CELSR3: variants seen among roughly 807,000 people sequenced by gnomAD.
CELSR3 encodes the protein cadherin EGF LAG seven-pass G-type receptor 3.
A neutral mutation model predicts 270.0 loss-of-function variants in CELSR3; 73 were observed. The observed-to-expected ratio is 0.27, with a 90% CI of 0.22 to 0.33. The LOEUF (loss-of-function observed/expected upper bound fraction) is 0.33, where lower values mean the gene tolerates loss of function less well. Ranked by LOEUF, CELSR3 falls within the 10% of genes least tolerant of loss-of-function variation. The pLI is 1.00. For synonymous variants in CELSR3, 1,780 were observed against 1,905.4 expected (o/e 0.93, Z 1.71); for missense variants, 3,614 against 4,533.8 (o/e 0.80, Z 5.83).
rs2047069149 is a variant in CELSR3 at position 48,645,206 on chromosome 3, C to G, written c.7801G>C (p.Val2601Leu). 6.4e-7 allele frequency: 1 copy of G among 1,572,078 alleles called. No homozygotes were observed. The highest frequency in any genetic ancestry group is 8.7e-7 in the Non-Finnish European group (1 of 1,152,462). The change falls in exon 25 of 35, where the codon GTG becomes CTG. Residue 2601 changes from valine (V) to leucine (L), a missense_variant. By Grantham distance (32) the Val-to-Leu change is conservative (BLOSUM62 1). Coordinates refer to ENST00000164024, the MANE Select transcript of CELSR3 (RefSeq NM_001407.3). The surrounding 1 kb of genome is among the most constrained non-coding windows in gnomAD (Gnocchi z 5.4). Reference protein sequence around the residue: ...LGIHRTHNQLVCTAVAILLHY... With the variant: ...LGIHRTHNQLLCTAVAILLHY... ...AGGAGGATGGCGACTGCAGTGCACACCAGCTGAGGGCAGGGGGGCGTGTCA... is the reference window on the plus strand; with the variant it reads ...AGGAGGATGGCGACTGCAGTGCACAGCAGCTGAGGGCAGGGGGGCGTGTCA...
In CELSR3 at chr3:48,659,158, C is replaced by T. The variant is rs966890066; in HGVS notation, c.3477G>A (p.Leu1159=). ...CAGGGCTGTTGTCATTCTGGTCAAC[C>T]AGGCGGACGTGCACAGTGGCCCGGC... ...LVSRATVHVR[L]VDQNDNSPVL... is the part of the protein sequence containing the mutation. The change falls in exon 1 of 35, where the codon CTG becomes CTA. Residue 1159 remains leucine (L), a synonymous_variant. Coordinates refer to ENST00000164024, the MANE Select transcript of CELSR3 (RefSeq NM_001407.3). This position sits in a 1 kb window ranked among gnomAD's most constrained non-coding sequence, Gnocchi z 8.1. The T allele has an allele frequency of 6.2e-7, 1 of 1,614,196 alleles. No individual in the cohort carries two copies. Among genetic ancestry groups the T allele is most frequent in the Non-Finnish European group, 8.5e-7 (1 of 1,180,028 alleles).
Position 48,651,457 on chromosome 3 carries a change from C to T in CELSR3, c.6088G>A (p.Gly2030Ser). 1.9e-6 allele frequency: 3 copies of T among 1,613,908 alleles called. No individual in the cohort carries two copies. The highest frequency in any genetic ancestry group is 1.7e-6 in the Non-Finnish European group (2 of 1,179,950). The change falls in exon 14 of 35, where the codon GGC (glycine) becomes AGC (serine). Residue 2030 changes from glycine to serine, a missense_variant. Transcript: ENST00000164024. This position sits in a 1 kb window ranked among gnomAD's most constrained non-coding sequence, Gnocchi z 7.4. The stretch of plus-strand genomic sequence containing the variant: ...CCACAGGTTGGGCTCCCCCACCAGC[C>T]CCGTGGGCACTGCTGGTCCATCCTG... ...EHRMDQQCPRGWWGSPTCGPC... is the reference protein window; with the variant it reads ...EHRMDQQCPRSWWGSPTCGPC...
In CELSR3 at chr3:48,661,903, C is replaced by T. The variant is rs2077069511; in HGVS notation, c.732G>A (p.Glu244=). The change falls in exon 1 of 35, where the codon GAG becomes GAA. Residue 244 remains glutamate (E), a synonymous_variant. Transcript: ENST00000164024. ...TCGCCGTGCGTGGTGCTGAATCCAG[C>T]TCGGGGCCAGATCCCGAGGCCCCTG... is the stretch of plus-strand genomic sequence containing the variant. The part of the protein sequence containing the change: ...CLPGASGSGP[E]LDSAPRTART... The T allele has an allele frequency of 6.2e-7, 1 of 1,612,170 alleles. No homozygotes were observed. The highest frequency in any genetic ancestry group is 1.1e-5 in the South Asian group (1 of 91,050).
At position 48,661,798 on chromosome 3, in the gene CELSR3, C is replaced by G. The variant is rs758300838; in HGVS notation, c.837G>C (p.Arg279=). The G allele has an allele frequency of 3.7e-6, 6 of 1,608,374 alleles. 1 individual carries two copies. Among genetic ancestry groups the G allele is most frequent in the Middle Eastern group, 3.4e-4 (2 of 5,916 alleles). The change falls in exon 1 of 35, where the codon CGG becomes CGC. Residue 279 remains arginine (R), a synonymous_variant. Transcript: ENST00000164024. The stretch of plus-strand genomic sequence containing the variant: ...GGAGGAAGCGGCAGCGGAAGAGACC[C>G]CGGGAGCGCATGCGCTTGGGCGCCG... ...PEPAPKRMRS[R]GLFRCRFLPQ...
At position 48,640,648 on chromosome 3, in the gene CELSR3, G is replaced by A; in HGVS notation, c.9026-89C>T. The A allele has an allele frequency of 7.3e-7, 1 of 1,377,236 alleles. No homozygotes were observed. The highest frequency in any genetic ancestry group is 9.7e-7 in the Non-Finnish European group (1 of 1,034,804). 85.3% of individuals were successfully genotyped at this position (1,377,236 alleles called of 1,614,324 possible). A position where few individuals can be genotyped will look rare whatever the true frequency, so the allele number is the denominator to read the frequency against. On this transcript the variant is annotated intron_variant, in intron 33 of 34. Transcript: ENST00000164024. The surrounding 1 kb of genome is among the most constrained non-coding windows in gnomAD (Gnocchi z 7.5). The stretch of plus-strand genomic sequence containing the variant: ...TGAGTCTAGGGGTGTGGCAGCCCTT[G>A]GGATCCTTCCAACACAGGGATGGGA...
rs2047005449 is a variant in CELSR3, at chr3:48,639,791, C to A, written c.9794G>T (p.Ser3265Ile). The A allele has an allele frequency of 6.2e-7, 1 of 1,613,686 alleles. No homozygotes were observed. The highest frequency in any genetic ancestry group is 8.5e-7 in the Non-Finnish European group (1 of 1,179,968). The change falls in exon 34 of 35, where the codon AGC (serine) becomes ATC (isoleucine). Residue 3265 changes from serine to isoleucine, a missense_variant. Ser to Ile is a moderately radical substitution (Grantham distance 142). Around this residue, in one of 7 missense-constraint regions of CELSR3, gnomAD observed 1,240 missense variants for 1,351.7 expected, o/e 0.92. Coordinates refer to ENST00000164024, the MANE Select transcript of CELSR3 (RefSeq NM_001407.3). This position sits in a 1 kb window ranked among gnomAD's most constrained non-coding sequence, Gnocchi z 4.1. ...AGTGGTGTGAGGGCCCAAGGGTGTGCTTGAAGATTGCACAGAGGAGAGGGC... is the reference window on the plus strand; with the variant it reads ...AGTGGTGTGAGGGCCCAAGGGTGTGATTGAAGATTGCACAGAGGAGAGGGC... ...SSALSSVQSS[S>I]TPLGPHTTAT... is the part of the protein sequence containing the mutation.
rs529940314 is a variant in CELSR3 at position 48,660,460 on chromosome 3, A to G, written c.2175T>C (p.Gly725=). The change falls in exon 1 of 35, where the codon GGT becomes GGC. Residue 725 remains glycine (G), a synonymous_variant. Coordinates refer to ENST00000164024, the MANE Select transcript of CELSR3 (RefSeq NM_001407.3). This position sits in a 1 kb window ranked among gnomAD's most constrained non-coding sequence, Gnocchi z 5.5. ...DRESVEHYFF[G]VEARDHGSPP... is the part of the protein sequence containing the mutation. ...GTGAGCCATGGTCTCGAGCCTCCACACCAAAGAAGTAATGCTCCACAGACT... is the reference window on the plus strand; with the variant it reads ...GTGAGCCATGGTCTCGAGCCTCCACGCCAAAGAAGTAATGCTCCACAGACT... The G allele has an allele frequency of 9.3e-6, 15 of 1,614,106 alleles. No homozygotes were observed. The African/African-American group carries it at 1.9e-4, about 20-fold the overall frequency.
intron 19 of CELSR3, 28 bp downstream of exon 19, chr3:48,648,238 G>GCCCCCCCCCAACCCCCCCCCAAAC: frequency 7.4e-7 from 1 of 1,342,630 alleles, no homozygotes; most frequent in Non-Finnish European, 1.1e-6. Flanking sequence ...CCCCTGCTGT[G>GCCCCCCCCCAACCCCCCCCCAAAC]CCCCGCCCTA....
rs769188602 is a variant in CELSR3 at position 48,649,173 on chromosome 3, T to G, written c.6515A>C (p.Glu2172Ala). 1.2e-6 allele frequency: 2 copies of G among 1,612,224 alleles called. No individual in the cohort carries two copies. Among genetic ancestry groups the G allele is most frequent in the South Asian group, 2.2e-5 (2 of 90,766 alleles). Residue 2172 changes from glutamate to alanine, a missense_variant, in exon 17 of 35, where the codon GAG (glutamate) becomes GCG (alanine). By Grantham distance (107) the Glu-to-Ala change is moderately radical. This residue lies in a region of CELSR3 where 1,331 missense variants were observed against 1,933.7 expected (regional missense o/e 0.69). Coordinates refer to ENST00000164024, the MANE Select transcript of CELSR3 (RefSeq NM_001407.3). ...RLCDEAQGWL[E>A]PDLFNCTSPA... ...GGAGGTACAGTTGAAGAGGTCGGGC[T>G]CCAGCCAACCCTGGGCCTCATCACA...
rs769634502 is a variant in CELSR3, at chr3:48,645,811, C to T, written c.7521G>A (p.Gly2507=). 3 of 1,611,648 alleles carry T rather than the reference C, an allele frequency of 1.9e-6. No homozygotes were observed. Among genetic ancestry groups the T allele is most frequent in the Non-Finnish European group, 2.5e-6 (3 of 1,179,466 alleles). Reference sequence around the variant, plus strand: ...GGCTGCAGCGACACCGTGCGTGGGACCCATTCCTGTGCACCAGCTCGCAGT... The same window carrying T: ...GGCTGCAGCGACACCGTGCGTGGGATCCATTCCTGTGCACCAGCTCGCAGT... ...ARDCELVHRN[G]SHARCRCSRT... The change falls in exon 23 of 35, where the codon GGG becomes GGA. Residue 2507 remains glycine, a synonymous_variant. Coordinates refer to ENST00000164024, the MANE Select transcript of CELSR3 (RefSeq NM_001407.3). This position sits in a 1 kb window ranked among gnomAD's most constrained non-coding sequence, Gnocchi z 5.4.
chr3:48,661,953 T>G lies in CELSR3; in HGVS notation c.682A>C (p.Thr228Pro). 6.2e-7 allele frequency: 1 copy of G among 1,613,750 alleles called. No individual in the cohort carries two copies. Among genetic ancestry groups the G allele is most frequent in the Non-Finnish European group, 8.5e-7 (1 of 1,180,012 alleles). ...GGAAGACAGTTCCGCCGGGGGGCTG[T>G]CCTTTCTGCTCCGGATGTCGTGGCT... ...ERATTSGAER[T>P]APRRNCLPGA... The change falls in exon 1 of 35, where the codon ACA (threonine) becomes CCA (proline). Residue 228 changes from threonine (T) to proline (P), a missense_variant. Physicochemically the swap from Thr to Pro is conservative, Grantham distance 38 (BLOSUM62 -1). Transcript: ENST00000164024.
In CELSR3 at chr3:48,646,536, A is replaced by G. The variant is rs552908179; in HGVS notation, c.7295+227T>C. Among the ~76,000 whole-genome samples, 1 of 152,186 alleles carries G rather than the reference A, an allele frequency of 6.6e-6. No homozygotes were observed. The highest frequency in any genetic ancestry group is 2.4e-5 in the African/African-American group (1 of 41,504). ...TCTGTCAGCCCTTTGGTCTGTCTGT[A>G]CCTGGCTCATGGATCCCTCCTGTGT... On this transcript the variant is annotated intron_variant, in intron 21 of 34. Coordinates refer to ENST00000164024, the MANE Select transcript of CELSR3 (RefSeq NM_001407.3). This position sits in a 1 kb window ranked among gnomAD's most constrained non-coding sequence, Gnocchi z 4.8.
rs1464083438 is a variant in CELSR3, at chr3:48,658,379, C to G, written c.3748+508G>C. 6.6e-6 allele frequency among the ~76,000 whole-genome samples: 1 copy of G among 152,186 alleles called. No individual in the cohort carries two copies. The highest frequency in any genetic ancestry group is 2.4e-5 in the African/African-American group (1 of 41,444). On this transcript the variant is annotated intron_variant, in intron 1 of 34. Transcript: ENST00000164024. The surrounding 1 kb of genome is among the most constrained non-coding windows in gnomAD (Gnocchi z 4.7). ...GCAAGTGGACCTCTGGACATTTTCC[C>G]AAAGGTCAGGGTCTCAGGCCCTACG...
In CELSR3 at chr3:48,642,507, T is replaced by C. The variant is rs1426262603; in HGVS notation, c.8556-40A>G. On this transcript the variant is annotated intron_variant, in intron 30 of 34. Coordinates refer to ENST00000164024, the MANE Select transcript of CELSR3 (RefSeq NM_001407.3). The surrounding 1 kb of genome is among the most constrained non-coding windows in gnomAD (Gnocchi z 6.1). ...GCCCCCCCACCATGAAAGAGGGATG[T>C]GATGGGGTGCCTTGGAGGCTGGAGT... 4 of 1,592,882 alleles carry C rather than the reference T, an allele frequency of 2.5e-6. No individual in the cohort carries two copies. Among genetic ancestry groups the C allele is most frequent in the Non-Finnish European group, 2.6e-6 (3 of 1,167,744 alleles).
At position 48,640,690 on chromosome 3, in the gene CELSR3, G is replaced by A. The variant is rs373699758; in HGVS notation, c.9026-131C>T. 3.9e-6 allele frequency: 4 copies of A among 1,021,774 alleles called. No individual in the cohort carries two copies. Among genetic ancestry groups the A allele is most frequent in the African/African-American group, 3.3e-5 (2 of 61,410 alleles). The allele number at this position is 1,021,774 out of a possible 1,614,324, so 63.3% of individuals were successfully genotyped here. On this transcript the variant is annotated intron_variant, in intron 33 of 34. Coordinates refer to ENST00000164024, the MANE Select transcript of CELSR3 (RefSeq NM_001407.3). This position sits in a 1 kb window ranked among gnomAD's most constrained non-coding sequence, Gnocchi z 7.5. Reference sequence around the variant, plus strand: ...GGGATGGGAGCAGGAACCCCTTGGGGAGCAGCAGAGGCAACCCTGGTGGTC... The same window carrying A: ...GGGATGGGAGCAGGAACCCCTTGGGAAGCAGCAGAGGCAACCCTGGTGGTC...
rs113478990 is a variant in CELSR3, at chr3:48,643,852, A to G, written c.8166-175T>C. ...GGGAGATGGGAGGTCCCACAAAGAA[A>G]CAGGAGAGCAGTCAAAGAGCCATGA... is the stretch of plus-strand genomic sequence containing the variant. On this transcript the variant is annotated intron_variant, in intron 27 of 34. Transcript: ENST00000164024. The G allele has an allele frequency of 2.3e-3, 1,581 of 697,506 alleles. 11 individuals are homozygous for G. In the African/African-American group the frequency reaches 0.024, roughly 11 times the overall value. 43.2% of individuals were successfully genotyped at this position (697,506 alleles called of 1,614,324 possible).
rs1267200702 is a variant in CELSR3, at chr3:48,657,428, C to T, written c.3749-80G>A. ...TGGGACACAAGAGGGCTGGGGCCAGCGATAGCCTAGGCCCCCAGAACCTCT... is the reference window on the plus strand; with the variant it reads ...TGGGACACAAGAGGGCTGGGGCCAGTGATAGCCTAGGCCCCCAGAACCTCT... On this transcript the variant is annotated intron_variant, in intron 1 of 34. Coordinates refer to ENST00000164024, the MANE Select transcript of CELSR3 (RefSeq NM_001407.3). The surrounding 1 kb of genome is among the most constrained non-coding windows in gnomAD (Gnocchi z 5.4). 16 of 1,399,528 alleles carry T rather than the reference C, an allele frequency of 1.1e-5. No individual in the cohort carries two copies. Among genetic ancestry groups the T allele is most frequent in the South Asian group, 4.4e-5 (3 of 68,666 alleles). The allele number at this position is 1,399,528 out of a possible 1,614,324, so 86.7% of individuals were successfully genotyped here. A position where few individuals can be genotyped will look rare whatever the true frequency, so the allele number is the denominator to read the frequency against.
At chr3:48,656,644 C>A in intron 2 of CELSR3, 54 bp downstream of exon 2, 1 of 1,442,278 alleles carries the variant, frequency 6.9e-7, no homozygotes, top group South Asian at 1.5e-5. Context: ...ATTGTGGTCC[C>A]GCCCCCAGCC....
chr3:48,649,499 T>C (rs1339919648), intron 16 of CELSR3, among the ~76,000 whole-genome samples: 2 of 152,214 alleles, frequency 1.3e-5, no homozygotes, highest in Admixed American at 1.3e-4. Flanking sequence ...GGCTCATAGA[T>C]GTGCTGGTTC....
Sources: allele counts gnomAD v4.1 joint callset (sites outside exome capture counted in the v4.1 genomes callset), GRCh38; gene constraint gnomAD v4.1.1; regional missense constraint gnomAD v4.1.1; non-coding constraint Gnocchi (gnomAD v3.1); transcripts MANE v1.5; gene names NCBI Gene and HGNC (gene_info 2026-07-23, HGNC 2026-07-21).